The following CTNNA3 variants were observed in gnomAD, a reference collection of about 807,000 sequenced individuals.
CTNNA3 encodes the protein catenin alpha 3, also known as catenin alpha-3.
A neutral mutation model predicts 95.7 loss-of-function variants in CTNNA3; 76 were observed. That is an observed-to-expected ratio of 0.79 (90% CI 0.66 to 0.96). CTNNA3 has a LOEUF of 0.96. Among genes scored for constraint, CTNNA3 ranks in the 40% least tolerant of loss-of-function variants. The pLI is 0.00. For missense variants in CTNNA3, 1,191 were observed against 1,089.8 expected (o/e 1.09, Z -1.31); for synonymous variants, 431 against 374.4 (o/e 1.15, Z -1.74).
At chr10:67,174,266 C>G (rs1050525775) in intron 7 of CTNNA3, among the ~76,000 whole-genome samples, 1 of 152,132 alleles carries the variant, frequency 6.6e-6, no homozygotes. Flanking sequence ...AGGATTCTCA[C>G]AATTAATTTT....
At chr10:67,172,304 T>A (rs1862055479) in intron 7 of CTNNA3, among the ~76,000 whole-genome samples, 1 of 152,212 alleles carries the variant, frequency 6.6e-6, no homozygotes. Flanking sequence ...TTGATTCTCC[T>A]TGACAACTAA....
At chr10:66,769,204 TG>T (rs1351470484) in intron 8 of CTNNA3, among the ~76,000 whole-genome samples, 1 of 152,212 alleles carries the variant, frequency 6.6e-6, no homozygotes, top group African/African-American at 2.4e-5. Flanking sequence ...AAAGAACTAT[TG>T]TCTCACATTG....
In CTNNA3 at chr10:67,685,682, A is replaced by G. The variant is rs534288520; in HGVS notation, c.-6+10318T>C. ...TATAGGGTTACAGAGAAGACCTTCA[A>G]TTATCAATTATAGGTTTTTAATTTA... is the stretch of plus-strand genomic sequence containing the variant. On this transcript the variant is annotated intron_variant, in intron 1 of 17. Coordinates refer to ENST00000433211, the MANE Select transcript of CTNNA3 (RefSeq NM_013266.4). Among the ~76,000 whole-genome samples, 8 of 152,340 alleles carry G rather than the reference A, an allele frequency of 5.3e-5. No homozygotes were observed. The East Asian group carries it at 9.6e-4, about 18-fold the overall frequency.
intron 14 of CTNNA3, among the ~76,000 whole-genome samples, chr10:66,073,363 G>T (rs1356706839): frequency 6.6e-6 from 1 of 152,038 alleles, no homozygotes. Context: ...GGTCAGCTAC[G>T]CTACTTTCAT....
At chr10:66,109,471 T>C (rs1659208625) in intron 13 of CTNNA3, among the ~76,000 whole-genome samples, 1 of 152,210 alleles carries the variant, frequency 6.6e-6, no homozygotes, top group African/African-American at 2.4e-5. Context: ...TAATTAAATA[T>C]GTTTCCAGAC....
chr10:66,080,903 G>C (rs939769913), intron 14 of CTNNA3, among the ~76,000 whole-genome samples: 12 of 152,146 alleles, frequency 7.9e-5, no homozygotes, highest in Non-Finnish European at 1.2e-4. Flanking sequence ...CTACATTTCA[G>C]AGATGGTTCA....
At chr10:67,590,777 T>A (rs1168606345) in intron 3 of CTNNA3, among the ~76,000 whole-genome samples, 1 of 152,090 alleles carries the variant, frequency 6.6e-6, no homozygotes, top group African/African-American at 2.4e-5. Flanking sequence ...TTGTTACAAA[T>A]CCCTTGTTGG....
At chr10:66,651,728 G>A (rs1359325357) in intron 9 of CTNNA3, among the ~76,000 whole-genome samples, 4 of 151,922 alleles carry the variant, frequency 2.6e-5, no homozygotes, top group African/African-American at 7.2e-5. Context: ...CTCACTGCTC[G>A]GGGCCTGCTG....
chr10:66,233,781 G>C (rs1446270111), intron 13 of CTNNA3, among the ~76,000 whole-genome samples: 11 of 152,146 alleles, frequency 7.2e-5, no homozygotes, highest in Non-Finnish European at 1.6e-4. Context: ...TGTTATACTT[G>C]ATGATGATCT....
chr10:67,474,891 G>T (rs1224890329), intron 5 of CTNNA3, among the ~76,000 whole-genome samples: 1 of 152,122 alleles, frequency 6.6e-6, no homozygotes, highest in Non-Finnish European at 1.5e-5. Context: ...TTAATTATAT[G>T]CTACCATATG....
chr10:66,270,229 G>C (rs941472292), intron 13 of CTNNA3, among the ~76,000 whole-genome samples: 9 of 151,442 alleles, frequency 5.9e-5, no homozygotes, highest in African/African-American at 1.7e-4. Context: ...TTTTTTGGGG[G>C]GGGGGGCAGG....
intron 5 of CTNNA3, chr10:67,334,880 C>A (rs1024755596): frequency 6.1e-6 from 1 of 163,082 alleles, no homozygotes; most frequent in East Asian, 1.4e-4. Context: ...TGCCACTAAC[C>A]TGGGTTAATG....
At chr10:67,391,963 C>T (rs1319495179) in intron 5 of CTNNA3, among the ~76,000 whole-genome samples, 1 of 151,212 alleles carries the variant, frequency 6.6e-6, no homozygotes, top group East Asian at 1.9e-4. Flanking sequence ...TAGAAGAAAA[C>T]CTAGGCATTA....
At chr10:67,749,394 T>A (rs1338180340) in intron 1 of CTNNA3, among the ~76,000 whole-genome samples, 1 of 152,164 alleles carries the variant, frequency 6.6e-6, no homozygotes, top group Non-Finnish European at 1.5e-5. Context: ...TACTCTAAAA[T>A]TGATCACATA....
Position 66,143,388 on chromosome 10 carries a change from GA to G in CTNNA3, c.1885-40140del, listed in dbSNP as rs757564018. Among the ~76,000 whole-genome samples the G allele has an allele frequency of 7.9e-5, 12 of 152,204 alleles. 1 individual carries two copies. The highest frequency in any genetic ancestry group is 1.8e-4 in the Non-Finnish European group (12 of 67,978). On this transcript the variant is annotated intron_variant, in intron 13 of 17. Coordinates refer to ENST00000433211, the MANE Select transcript of CTNNA3 (RefSeq NM_013266.4). Reference sequence around the variant, plus strand: ...CATAATTGTTTTTAAGTTTCTTGCTGAAAAATTGAAATAGGTCCCAGGAGAA... The same window carrying G: ...CATAATTGTTTTTAAGTTTCTTGCTGAAAATTGAAATAGGTCCCAGGAGAA...
intron 12 of CTNNA3, among the ~76,000 whole-genome samples, chr10:66,361,792 C>T (rs56401910): frequency 0.097 from 14,810 of 152,076 alleles, 951 homozygotes; most frequent in South Asian, 0.18. Flanking sequence ...CCTTCCTCAG[C>T]CCCCCAAAGT....
At chr10:66,763,089 G>A (rs1240320155) in intron 9 of CTNNA3, among the ~76,000 whole-genome samples, 1 of 151,928 alleles carries the variant, frequency 6.6e-6, no homozygotes, top group Admixed American at 6.6e-5. Context: ...AAGGAAGTAG[G>A]GGATTGGTAA....
intron 13 of CTNNA3, among the ~76,000 whole-genome samples, chr10:66,268,354 G>A (rs984503589): frequency 3.3e-5 from 5 of 152,076 alleles, no homozygotes; most frequent in African/African-American, 7.2e-5. Context: ...AAGGCAATAT[G>A]GCGTGTGCTT....
chr10:65,931,620 G>A (rs1323793302), intron 17 of CTNNA3, among the ~76,000 whole-genome samples: 2 of 152,222 alleles, frequency 1.3e-5, no homozygotes, highest in Non-Finnish European at 2.9e-5. Context: ...CACACACTCT[G>A]TACCTAAGTG....
Sources: allele counts gnomAD v4.1 joint callset (sites outside exome capture counted in the v4.1 genomes callset), GRCh38; gene constraint gnomAD v4.1.1; transcripts MANE v1.5; gene names NCBI Gene and HGNC (gene_info 2026-07-23, HGNC 2026-07-21).